Variants in NFU1 observed in about 807,000 individuals in gnomAD.
NFU1 encodes the protein NFU1 iron-sulfur cluster scaffold.
Under a neutral mutation model 32.2 loss-of-function variants are expected in NFU1, and 30 were observed. That is an observed-to-expected ratio of 0.93 (90% confidence interval 0.70 to 1.26). The LOEUF is 1.26. Among genes scored for constraint, NFU1 ranks in the 50% most tolerant of loss-of-function variants. The pLI is 0.00. For missense variants in NFU1, 306 were observed against 306.6 expected, an observed-to-expected ratio of 1.00 and a Z score of 0.02; for synonymous variants, 112 against 104.6, an observed-to-expected ratio of 1.07 and a Z score of -0.43.
rs114363313 is a variant in NFU1, at chr2:69,415,004, G to T, written c.484+181C>A. Among the ~76,000 whole-genome samples the T allele has an allele frequency of 9.2e-3, 1,405 of 152,126 alleles. 23 individuals carry two copies. The highest frequency in any genetic ancestry group is 0.033 in the African/African-American group (1,352 of 41,502). The stretch of plus-strand genomic sequence containing the variant: ...AAAATTTTTATAATTGAAAATTTTT[G>T]TTTTATAGAGTAATGCCAATTTATA... On this transcript the variant is annotated intron_variant, in intron 5 of 7. Coordinates refer to ENST00000410022, the MANE Select transcript of NFU1 (RefSeq NM_001002755.4).
chr2:69,437,944 G>A (rs1673914632), upstream of NFU1, among the ~76,000 whole-genome samples: 1 of 152,150 alleles, frequency 6.6e-6, no homozygotes, highest in Admixed American at 6.5e-5. Flanking sequence ...GCTGCCACTT[G>A]GTCATCTTGG....
At chr2:69,437,297 G>A in intron 1 of NFU1, 64 bp downstream of exon 1, 1 of 1,555,210 alleles carries the variant, frequency 6.4e-7, no homozygotes, top group Non-Finnish European at 8.7e-7. Flanking sequence ...TCTGCAAGGC[G>A]GCGACCGCTC....
Position 69,437,379 on chromosome 2 carries a change from G to C in NFU1, c.44C>G (p.Ala15Gly). The change falls in exon 1 of 8, where the codon GCC becomes GGC. Residue 15 changes from alanine to glycine, a missense_variant. By Grantham distance (60) the Ala-to-Gly change is moderately conservative (BLOSUM62 0). Coordinates refer to ENST00000410022, the MANE Select transcript of NFU1 (RefSeq NM_001002755.4). ...ARRGWGAAAV[A>G]AGLRRRFCHM... ...CACCTACCGCCTGCGCAGCCCGGCG[G>C]CAACAGCCGCAGCTCCCCAGCCCCG... 6.2e-7 allele frequency: 1 copy of C among 1,608,658 alleles called. No homozygotes were observed. Among genetic ancestry groups the C allele is most frequent in the Non-Finnish European group, 8.5e-7 (1 of 1,178,928 alleles).
rs1439206964 is a variant in NFU1, at chr2:69,420,547, A to C, written c.303-943T>G. On this transcript the variant is annotated intron_variant, in intron 3 of 7. Transcript: ENST00000410022. ...TTCTTCCAGATCTTTTTGTCAGTGC[A>C]TTTGTTGTTCTGTGGTTTTTGCTTT... Among the ~76,000 whole-genome samples the C allele has an allele frequency of 3.9e-5, 6 of 152,242 alleles. No homozygotes were observed. In the East Asian group the frequency reaches 1.2e-3, roughly 29 times the overall value.
At chr2:69,420,108 C>T (rs953268848) in intron 3 of NFU1, among the ~76,000 whole-genome samples, 1 of 151,918 alleles carries the variant, frequency 6.6e-6, no homozygotes, top group Non-Finnish European at 1.5e-5. Context: ...TGGGTTCAAG[C>T]AATTTTCCTG....
intron 2 of NFU1, among the ~76,000 whole-genome samples, chr2:69,428,558 A>G (rs1191736459): frequency 6.6e-6 from 1 of 152,098 alleles, no homozygotes; most frequent in African/African-American, 2.4e-5. Context: ...ATCTTATTTT[A>G]TAATAAGGAG....
chr2:69,439,439 G>A (rs1158690299), upstream of NFU1, among the ~76,000 whole-genome samples: 3 of 152,218 alleles, frequency 2.0e-5, no homozygotes, highest in South Asian at 4.1e-4. Flanking sequence ...TGAAGCTGCA[G>A]ACCTTTGCGA....
intron 1 of NFU1, among the ~76,000 whole-genome samples, chr2:69,437,061 G>A (rs1047710851): frequency 1.3e-4 from 20 of 152,238 alleles, no homozygotes; most frequent in Non-Finnish European, 2.9e-4. Context: ...TTTTAAAACA[G>A]CTCCTCCGTT....
At position 69,421,305 on chromosome 2, in the gene NFU1, C is replaced by T. The variant is rs187905258; in HGVS notation, c.303-1701G>A. 1.6e-3 allele frequency among the ~76,000 whole-genome samples: 249 copies of T among 151,944 alleles called. 1 individual carries two copies. Among genetic ancestry groups the T allele is most frequent in the African/African-American group, 5.7e-3 (237 of 41,442 alleles). ...TGATATGTTTAAGAAAAAAAAAGTA[C>T]CTATTAATTATAAATTTTAAAAACG... On this transcript the variant is annotated intron_variant, in intron 3 of 7. Coordinates refer to ENST00000410022, the MANE Select transcript of NFU1 (RefSeq NM_001002755.4).
intron 4 of NFU1, chr2:69,416,300 T>TA (rs2104773874): frequency 6.8e-6 from 1 of 147,772 alleles, no homozygotes; most frequent in South Asian, 2.1e-4. Flanking sequence ...TTATTAATAA[T>TA]ATAATTATAA....
At chr2:69,398,389 C>T (rs749066170) in intron 7 of NFU1, among the ~76,000 whole-genome samples, 3 of 152,146 alleles carry the variant, frequency 2.0e-5, no homozygotes, top group African/African-American at 7.2e-5. Context: ...TGGACCAAAA[C>T]GATGGTGTGG....
intron 1 of NFU1, among the ~76,000 whole-genome samples, chr2:69,435,152 A>G (rs1249528378): frequency 6.6e-6 from 1 of 152,188 alleles, no homozygotes. Flanking sequence ...GTGGTCTTTC[A>G]TTAGCTTTAT....
chr2:69,431,154 CT>C (rs34577445), intron 2 of NFU1, among the ~76,000 whole-genome samples: 1 of 151,776 alleles, frequency 6.6e-6, no homozygotes, highest in African/African-American at 2.4e-5. Flanking sequence ...GCTTTTCTTT[CT>C]TTTTTTTGAA....
intron 5 of NFU1, among the ~76,000 whole-genome samples, chr2:69,414,670 C>G (rs1672996141): frequency 1.5e-5 from 2 of 133,832 alleles, no homozygotes; most frequent in South Asian, 4.9e-4. Flanking sequence ...AAAACAAAAA[C>G]TAGTCTTATA....
At chr2:69,411,357 C>T (rs1383682087) in intron 5 of NFU1, among the ~76,000 whole-genome samples, 2 of 152,126 alleles carry the variant, frequency 1.3e-5, no homozygotes, top group African/African-American at 2.4e-5. Flanking sequence ...TGTACAATCA[C>T]TCTTCCAAGT....
chr2:69,418,115 G>GC (rs1673116566), intron 4 of NFU1, among the ~76,000 whole-genome samples: 1 of 151,898 alleles, frequency 6.6e-6, no homozygotes, highest in South Asian at 2.1e-4. Flanking sequence ...CTGAAGAATG[G>GC]GGGGCTGGAC....
chr2:69,412,565 T>C (rs1400433289), intron 5 of NFU1, among the ~76,000 whole-genome samples: 2 of 151,830 alleles, frequency 1.3e-5, no homozygotes, highest in Admixed American at 1.3e-4. Context: ...TTTTGTATTT[T>C]TAGTAGAGAT....
chr2:69,428,032 AAAG>A (rs1422963487), intron 2 of NFU1, among the ~76,000 whole-genome samples: 1 of 152,144 alleles, frequency 6.6e-6, no homozygotes, highest in African/African-American at 2.4e-5. Context: ...CAAAAAGAAA[AAAG>A]AAAAAAGAAA....
At position 69,429,888 on chromosome 2, in the gene NFU1, G is replaced by C. The variant is rs1306518371; in HGVS notation, c.166+2014C>G. On this transcript the variant is annotated intron_variant, in intron 2 of 7. Transcript: ENST00000410022. ...TACAAAAAATACGAAAATTAGCTGG[G>C]TGTGTTGGTACGCACCTGTAGTACC... The C allele has an allele frequency of 3.7e-5, 7 of 189,594 alleles. 1 individual carries two copies. The South Asian group carries it at 4.3e-4, about 12-fold the overall frequency. 11.7% of individuals were successfully genotyped at this position (189,594 alleles called of 1,614,324 possible).
Sources: allele counts gnomAD v4.1 joint callset (sites outside exome capture counted in the v4.1 genomes callset), GRCh38; gene constraint gnomAD v4.1.1; transcripts MANE v1.5; gene names NCBI Gene and HGNC (gene_info 2026-07-23, HGNC 2026-07-21).